The following BRAF variants were observed in gnomAD, a reference collection of about 807,000 sequenced individuals.
BRAF encodes serine/threonine-protein kinase B-raf.
Under a neutral mutation model 104.6 loss-of-function variants are expected in BRAF, and 16 were observed. The observed-to-expected ratio is 0.15, with a 90% CI of 0.10 to 0.23. The LOEUF (loss-of-function observed/expected upper bound fraction) is 0.23, where lower values mean the gene tolerates loss of function less well. Among genes scored for constraint, BRAF ranks in the 10% least tolerant of loss-of-function variants. BRAF has a pLI of 1.00. For synonymous variants in BRAF, 310 were observed against 341.6 expected (o/e 0.91, Z 1.02); for missense variants, 541 against 937.3 (o/e 0.58, Z 5.52).
chr7:140,725,348 G>A lies in BRAF; in HGVS notation c.*1146C>T, dbSNP rs1795540960. The A allele has an allele frequency of 2.0e-6, 2 of 995,304 alleles. No individual in the cohort carries two copies. The highest frequency in any genetic ancestry group is 4.8e-5 in the South Asian group (1 of 20,818). The allele number at this position is 995,304 out of a possible 1,614,324, so 61.7% of individuals were successfully genotyped here. A position where few individuals can be genotyped will look rare whatever the true frequency, so the allele number is the denominator to read the frequency against. ...ACTCCTCATATTTAGGTAGAGAAAA[G>A]GATAATGATCTTTCTTAAAAGTTGT... is the stretch of plus-strand genomic sequence containing the variant. On this transcript the variant is annotated 3_prime_UTR_variant, in exon 20 of 20. Transcript: ENST00000644969.
chr7:140,754,672 A>C (rs1322088512), intron 14 of BRAF, among the ~76,000 whole-genome samples: 1 of 152,172 alleles, frequency 6.6e-6, no homozygotes, highest in Non-Finnish European at 1.5e-5. Context: ...CTAACTCCTG[A>C]GTGAAGCTTT....
intron 2 of BRAF, among the ~76,000 whole-genome samples, chr7:140,847,906 T>C (rs1808750369): frequency 6.6e-6 from 1 of 152,168 alleles, no homozygotes; most frequent in Non-Finnish European, 1.5e-5. Context: ...CATGTGTATA[T>C]GCATACCTTT....
chr7:140,906,509 C>T (rs1363681692), intron 1 of BRAF, among the ~76,000 whole-genome samples: 1 of 152,194 alleles, frequency 6.6e-6, no homozygotes, highest in Non-Finnish European at 1.5e-5. Flanking sequence ...TAAGGTCTTA[C>T]TAGTACTTTA....
At chr7:140,923,815 G>A (rs1250460187) in intron 1 of BRAF, among the ~76,000 whole-genome samples, 3 of 152,178 alleles carry the variant, frequency 2.0e-5, no homozygotes, top group African/African-American at 7.2e-5. Flanking sequence ...ATGCTCTTAA[G>A]TGGGAGCTGG....
intron 1 of BRAF, among the ~76,000 whole-genome samples, chr7:140,855,001 T>C (rs1388053389): frequency 6.6e-6 from 1 of 152,022 alleles, no homozygotes; most frequent in East Asian, 1.9e-4. Context: ...GGCCAGACCA[T>C]AAGTGTCTGG....
In BRAF at chr7:140,726,028, G is replaced by T. The variant is rs1795579544; in HGVS notation, c.*466C>A. 2 of 1,070,624 alleles carry T rather than the reference G, an allele frequency of 1.9e-6. No homozygotes were observed. Among genetic ancestry groups the T allele is most frequent in the African/African-American group, 3.3e-5 (2 of 61,174 alleles). The allele number at this position is 1,070,624 out of a possible 1,614,324, so 66.3% of individuals were successfully genotyped here. Reference sequence around the variant, plus strand: ...ACTAACTGGTGGTCACTAGGGGAAAGAGCTCCAAAACAAAATTCCAGAACA... The same window carrying T: ...ACTAACTGGTGGTCACTAGGGGAAATAGCTCCAAAACAAAATTCCAGAACA... On this transcript the variant is annotated 3_prime_UTR_variant, in exon 20 of 20. Coordinates refer to ENST00000644969, the MANE Select transcript of BRAF (RefSeq NM_001374258.1).
intron 17 of BRAF, among the ~76,000 whole-genome samples, chr7:140,748,002 A>G (rs539934847): frequency 6.6e-6 from 1 of 152,344 alleles, no homozygotes; most frequent in African/African-American, 2.4e-5. Context: ...TAGAAAGGCC[A>G]ACACCAACTA....
At chr7:140,895,755 G>C (rs1397665544) in intron 1 of BRAF, among the ~76,000 whole-genome samples, 1 of 152,186 alleles carries the variant, frequency 6.6e-6, no homozygotes, top group Non-Finnish European at 1.5e-5. Flanking sequence ...CAAATGACAG[G>C]ATTTTTCCTT....
Position 140,924,265 on chromosome 7 carries a change from T to A in BRAF, c.138+301A>T, listed in dbSNP as rs1818597018. ...TGGATACTTCAGCCAATCGTGACCT[T>A]CTCGGACCAACCCTGAGTTTCGCCC... On this transcript the variant is annotated intron_variant, in intron 1 of 19. Coordinates refer to ENST00000644969, the MANE Select transcript of BRAF (RefSeq NM_001374258.1). The surrounding 1 kb of genome is among the most constrained non-coding windows in gnomAD (Gnocchi z 4.2). 6.6e-6 allele frequency among the ~76,000 whole-genome samples: 1 copy of A among 152,052 alleles called. No individual in the cohort carries two copies. Among genetic ancestry groups the A allele is most frequent in the South Asian group, 2.1e-4 (1 of 4,810 alleles).
rs200375817 is a variant in BRAF, at chr7:140,908,993, T to C, written c.138+15573A>G. Among the ~76,000 whole-genome samples, 74 of 148,296 alleles carry C rather than the reference T, an allele frequency of 5.0e-4. 6 individuals are homozygous for C. The highest frequency in any genetic ancestry group is 3.4e-3 in the Middle Eastern group (1 of 292). On this transcript the variant is annotated intron_variant, in intron 1 of 19. Transcript: ENST00000644969. Reference sequence around the variant, plus strand: ...TCTGCAACTGCTCTACGTTTTCTTTTTTTTTTTTTTTTTTTAATACTGTTT... The same window carrying C: ...TCTGCAACTGCTCTACGTTTTCTTTCTTTTTTTTTTTTTTTAATACTGTTT...
intron 2 of BRAF, chr7:140,836,163 G>T (rs1807314425): frequency 6.6e-6 from 1 of 152,082 alleles, no homozygotes. Flanking sequence ...CTATAGATAG[G>T]TATAGCTCAA....
chr7:140,717,831 T>C (rs746997066), downstream of BRAF, among the ~76,000 whole-genome samples: 1 of 152,224 alleles, frequency 6.6e-6, no homozygotes. Context: ...GTTTATATTA[T>C]AGAATTACCA....
intron 8 of BRAF, among the ~76,000 whole-genome samples, chr7:140,791,441 C>T (rs1346595748): frequency 6.6e-6 from 1 of 152,130 alleles, no homozygotes; most frequent in African/African-American, 2.4e-5. Flanking sequence ...TGGGGCTAGA[C>T]TTAGGAAGAG....
intron 8 of BRAF, among the ~76,000 whole-genome samples, chr7:140,792,829 A>C (rs758999445): frequency 6.6e-6 from 1 of 152,256 alleles, no homozygotes; most frequent in Non-Finnish European, 1.5e-5. Context: ...TAAGTGCTTG[A>C]ACATGAATAA....
At chr7:140,766,049 C>T (rs1346009066) in intron 14 of BRAF, among the ~76,000 whole-genome samples, 1 of 151,748 alleles carries the variant, frequency 6.6e-6, no homozygotes. Flanking sequence ...TGGAACCAAC[C>T]CAAATGTCCA....
chr7:140,861,111 T>C (rs1810369464), intron 1 of BRAF, among the ~76,000 whole-genome samples: 1 of 152,244 alleles, frequency 6.6e-6, no homozygotes, highest in Non-Finnish European at 1.5e-5. Flanking sequence ...AAAAAGATTT[T>C]CTTTCTTAAA....
intron 1 of BRAF, among the ~76,000 whole-genome samples, chr7:140,908,766 G>T (rs546223908): frequency 6.6e-6 from 1 of 152,108 alleles, no homozygotes; most frequent in Non-Finnish European, 1.5e-5. Flanking sequence ...TAAAACTGAG[G>T]TTATTCTTTT....
intron 17 of BRAF, chr7:140,747,543 G>T: frequency 2.2e-6 from 1 of 455,332 alleles, no homozygotes; most frequent in South Asian, 2.2e-5. Flanking sequence ...TTTTATTATT[G>T]TACTAAGATA....
At position 140,720,479 on chromosome 7, in the gene BRAF, T is replaced by C. The variant is rs1162768813; in HGVS notation, c.*6015A>G. ...ACATGAATAAAAAGGCATTATATGT[T>C]GATATAGCTGGTTTTAATCAGCTAT... On this transcript the variant is annotated 3_prime_UTR_variant, in exon 20 of 20. Transcript: ENST00000644969. The C allele has an allele frequency of 4.7e-6, 5 of 1,064,198 alleles. No homozygotes were observed. Among genetic ancestry groups the C allele is most frequent in the African/African-American group, 1.6e-5 (1 of 61,008 alleles). 65.9% of individuals were successfully genotyped at this position (1,064,198 alleles called of 1,614,324 possible).
Sources: gnomAD v4.1 joint callset for allele counts (sites outside exome capture counted in the v4.1 genomes callset) on GRCh38, gnomAD v4.1.1 for gene constraint, Gnocchi (gnomAD v3.1) non-coding constraint, MANE v1.5 for transcripts, NCBI Gene and HGNC (gene_info 2026-07-23, HGNC 2026-07-21) for gene names.